APP: variants seen among roughly 807,000 people sequenced by gnomAD.
The protein encoded by APP is amyloid-beta precursor protein.
APP carries 31 observed loss-of-function variants against 101.4 expected under a neutral mutation model. The ratio of observed to expected loss-of-function variants is 0.31; its 90% CI spans 0.23 to 0.41. APP has a LOEUF of 0.41. Ranked by LOEUF, APP falls within the 10% of genes least tolerant of loss-of-function variation. The pLI, the probability that APP is intolerant of heterozygous loss-of-function variation, is 1.00. For synonymous variants in APP, 366 were observed against 364.4 expected (o/e 1.00, Z -0.05); for missense variants, 839 against 1,003.7 (o/e 0.84, Z 2.22).
intron 11 of APP, among the ~76,000 whole-genome samples, chr21:25,963,988 C>T (rs1345646784): frequency 6.6e-6 from 1 of 152,170 alleles, no homozygotes; most frequent in African/African-American, 2.4e-5. Flanking sequence ...GCAGTAGATT[C>T]TCACACTCTC....
In APP at chr21:25,911,732, G is replaced by T. The variant is rs201352332; in HGVS notation, c.1909+9C>A. On this transcript the variant is annotated intron_variant, in intron 14 of 17. Transcript: ENST00000346798. ...CCAGAACGCCCTTGCTGGCTCAGGG[G>T]ACTCTTACCTTCGTTTTCTGTGTTG... The T allele has an allele frequency of 2.5e-6, 4 of 1,613,436 alleles. No individual in the cohort carries two copies. The African/African-American group carries it at 4.0e-5, about 16-fold the overall frequency.
chr21:25,956,793 C>T (rs893468131), intron 11 of APP, among the ~76,000 whole-genome samples: 3 of 152,124 alleles, frequency 2.0e-5, no homozygotes, highest in Admixed American at 6.5e-5. Context: ...GCCTCTCCTT[C>T]CCCTTTTGCT....
intron 3 of APP, among the ~76,000 whole-genome samples, chr21:26,084,694 G>C (rs949792313): frequency 6.6e-6 from 1 of 151,936 alleles, no homozygotes; most frequent in Non-Finnish European, 1.5e-5. Flanking sequence ...ATGCAATTTT[G>C]GAGGGAAAAA....
At chr21:25,970,473 CCTT>C (rs1416786841) in intron 11 of APP, among the ~76,000 whole-genome samples, 1 of 152,156 alleles carries the variant, frequency 6.6e-6, no homozygotes, top group Non-Finnish European at 1.5e-5. Flanking sequence ...ACCAGCCTAT[CCTT>C]CTCTGGCAAA....
At chr21:26,002,630 C>T (rs938916139) in intron 6 of APP, among the ~76,000 whole-genome samples, 6 of 152,168 alleles carry the variant, frequency 3.9e-5, no homozygotes, top group African/African-American at 9.7e-5. Context: ...TGCACTGTGC[C>T]GGGAATTGGC....
intron 11 of APP, among the ~76,000 whole-genome samples, chr21:25,958,519 T>C (rs997663628): frequency 1.1e-4 from 16 of 151,230 alleles, no homozygotes; most frequent in Middle Eastern, 3.2e-3. Context: ...CCTCGTGATC[T>C]GCCCGCCTTG....
intron 6 of APP, 133 bp downstream of exon 6, chr21:26,021,707 T>G: frequency 7.6e-7 from 1 of 1,315,260 alleles, no homozygotes; most frequent in Non-Finnish European, 1.0e-6. Context: ...TTCACAAGCA[T>G]AAGAAGCCTT....
intron 12 of APP, 105 bp from the exon 13 acceptor site, chr21:25,954,794 G>A (rs563947837): frequency 8.0e-5 from 78 of 969,272 alleles, no homozygotes; most frequent in Admixed American, 5.4e-4. Flanking sequence ...TCGCTCTGTC[G>A]CCCAGGTTAT....
At chr21:25,936,148 T>C (rs1254041451) in intron 13 of APP, among the ~76,000 whole-genome samples, 1 of 152,142 alleles carries the variant, frequency 6.6e-6, no homozygotes, top group Non-Finnish European at 1.5e-5. Context: ...AATTCATGTA[T>C]CAAAGCCCTA....
intron 13 of APP, among the ~76,000 whole-genome samples, chr21:25,953,894 T>C (rs1416490272): frequency 6.6e-6 from 1 of 152,212 alleles, no homozygotes; most frequent in African/African-American, 2.4e-5. Context: ...AAGATGTCAC[T>C]GGTGAGGCAT....
intron 13 of APP, among the ~76,000 whole-genome samples, chr21:25,937,060 T>C (rs1441978216): frequency 6.6e-6 from 1 of 151,698 alleles, no homozygotes; most frequent in African/African-American, 2.4e-5. Context: ...AAGAAAAAGC[T>C]TTTCTTTTTC....
At chr21:25,986,662 T>C (rs187597093) in intron 8 of APP, among the ~76,000 whole-genome samples, 2 of 152,172 alleles carry the variant, frequency 1.3e-5, no homozygotes, top group African/African-American at 4.8e-5. Context: ...ATCATGCCAG[T>C]GCACCCCAGT....
intron 11 of APP, among the ~76,000 whole-genome samples, chr21:25,969,854 C>CAAAAGAAAAGAAAAGAAAAGAAAAG (rs541544438): frequency 4.1e-4 from 30 of 73,364 alleles, no homozygotes; most frequent in African/African-American, 1.3e-3. Context: ...GAAAAGAAAA[C>CAAAAGAAAAGAAAAGAAAAGAAAAG]AAAAGAAAAG....
intron 2 of APP, among the ~76,000 whole-genome samples, chr21:26,101,095 C>CTTTTTTT (rs35407047): frequency 1.4e-4 from 11 of 79,352 alleles, no homozygotes; most frequent in African/African-American, 4.9e-4. Flanking sequence ...TTTTTTTTTC[C>CTTTTTTT]TTTTTTTTTT....
intron 13 of APP, chr21:25,945,682 A>T (rs998617997): frequency 3.0e-6 from 1 of 330,546 alleles, no homozygotes; most frequent in African/African-American, 2.2e-5. Context: ...AGACCATTCA[A>T]TGGGGGAAAT....
intron 2 of APP, among the ~76,000 whole-genome samples, chr21:26,093,154 T>C (rs183842465): frequency 1.3e-5 from 2 of 152,314 alleles, no homozygotes; most frequent in Non-Finnish European, 2.9e-5. Context: ...AATATTCCCA[T>C]GGCTTTTTTC....
chr21:26,003,905 AT>A (rs2043401289), intron 6 of APP, among the ~76,000 whole-genome samples: 1 of 152,218 alleles, frequency 6.6e-6, no homozygotes, highest in Non-Finnish European at 1.5e-5. Flanking sequence ...AATGGAACGT[AT>A]CCTCTATCAC....
intron 5 of APP, among the ~76,000 whole-genome samples, chr21:26,023,577 C>T (rs1277786833): frequency 2.6e-5 from 4 of 151,250 alleles, no homozygotes; most frequent in African/African-American, 7.3e-5. Flanking sequence ...GTGGTGTGCA[C>T]CTGTAGTTCC....
At chr21:26,156,817 ATATAAT>A (rs1269040046) in intron 1 of APP, among the ~76,000 whole-genome samples, 1 of 151,806 alleles carries the variant, frequency 6.6e-6, no homozygotes, top group African/African-American at 2.4e-5. Context: ...TCAAATTCTA[ATATAAT>A]TAAAATTTTC....
Sources: allele counts gnomAD v4.1 joint callset (sites outside exome capture counted in the v4.1 genomes callset), GRCh38; gene constraint gnomAD v4.1.1; transcripts MANE v1.5; gene names NCBI Gene and HGNC (gene_info 2026-07-23, HGNC 2026-07-21).